DRICH1: variants seen among roughly 807,000 people sequenced by gnomAD.
The protein encoded by DRICH1 is aspartate rich 1.
A neutral mutation model predicts 39.5 loss-of-function variants in DRICH1; 38 were observed. That is an observed-to-expected ratio of 0.96 (90% CI 0.74 to 1.26). The LOEUF (loss-of-function observed/expected upper bound fraction) is 1.26. Ranked by LOEUF, DRICH1 falls within the 50% of genes most tolerant of loss-of-function variation. The pLI, the probability that DRICH1 is intolerant of heterozygous loss-of-function variation, is 0.00. For missense variants in DRICH1, 279 were observed against 270.4 expected (o/e 1.03, Z -0.22); for synonymous variants, 84 against 99.5 (o/e 0.84, Z 0.93).
At chr22:23,632,333 GC>G (rs1430662844), upstream of DRICH1, 36 of 400,014 alleles carry the variant, frequency 9.0e-5, no homozygotes, top group Admixed American at 1.1e-3. Flanking sequence ...AGGGCTGCTG[GC>G]CCTGGCTGAT....
intron 5 of DRICH1, among the ~76,000 whole-genome samples, 186 bp downstream of exon 5, chr22:23,620,408 A>G (rs188655282): frequency 6.6e-6 from 1 of 151,908 alleles, no homozygotes; most frequent in African/African-American, 2.4e-5. Context: ...GCTCACACAA[A>G]ATCTCCTGCT....
At chr22:23,610,160 G>A (rs774611392) in intron 11 of DRICH1, among the ~76,000 whole-genome samples, 1 of 152,196 alleles carries the variant, frequency 6.6e-6, no homozygotes, top group African/African-American at 2.4e-5. Context: ...GAGCCCAACC[G>A]CCAGTCCTCA....
chr22:23,590,072 C>T, the DRICH1 span, among the ~76,000 whole-genome samples: 1 of 152,038 alleles, frequency 6.6e-6, no homozygotes. Context: ...CGAAGGTTTC[C>T]TCTCTTGGGA....
the DRICH1 span, among the ~76,000 whole-genome samples, chr22:23,594,202 A>C: frequency 6.6e-6 from 1 of 152,220 alleles, no homozygotes; most frequent in African/African-American, 2.4e-5. Flanking sequence ...AACCACAAAA[A>C]GATCCACACC....
At chr22:23,609,600 C>T (rs1339475136) in intron 11 of DRICH1, among the ~76,000 whole-genome samples, 1 of 152,132 alleles carries the variant, frequency 6.6e-6, no homozygotes, top group African/African-American at 2.4e-5. Context: ...GAGCCCTGGG[C>T]CTCTCTGGGC....
At chr22:23,591,258 C>T in the DRICH1 span, among the ~76,000 whole-genome samples, 2 of 152,136 alleles carry the variant, frequency 1.3e-5, no homozygotes, top group Non-Finnish European at 2.9e-5. Flanking sequence ...GGGTCCTCCT[C>T]CCCCAGTTCA....
chr22:23,585,194 G>A, the DRICH1 span, among the ~76,000 whole-genome samples: 1 of 151,974 alleles, frequency 6.6e-6, no homozygotes, highest in Non-Finnish European at 1.5e-5. Flanking sequence ...CTGGAGTGCA[G>A]TGGTGCAATC....
downstream of DRICH1, among the ~76,000 whole-genome samples, chr22:23,605,830 C>T (rs147277580): frequency 4.6e-5 from 7 of 152,158 alleles, no homozygotes; most frequent in African/African-American, 1.7e-4. Context: ...CCTGTAATCC[C>T]AGCACTTTGG....
the DRICH1 span, among the ~76,000 whole-genome samples, chr22:23,582,684 G>GC: frequency 2.0e-5 from 3 of 151,866 alleles, no homozygotes; most frequent in African/African-American, 7.3e-5. Context: ...TCCTGCTTCA[G>GC]CCTCCCAGGC....
At chr22:23,632,464 C>G (rs55744320), upstream of DRICH1, 8,001 of 229,174 alleles carry the variant, frequency 0.035, 207 homozygotes, top group Middle Eastern at 0.051. Flanking sequence ...CCTGTCCCTG[C>G]TGCTGCCCAC....
chr22:23,581,537 A>G, the DRICH1 span: 1 of 152,032 alleles, frequency 6.6e-6, no homozygotes, highest in African/African-American at 2.4e-5. Context: ...GTTGGGAGAT[A>G]ATGCATGTCA....
chr22:23,591,551 A>G, the DRICH1 span, among the ~76,000 whole-genome samples: 1 of 152,100 alleles, frequency 6.6e-6, no homozygotes, highest in African/African-American at 2.4e-5. Flanking sequence ...CTTCACTTCT[A>G]TGAAGTGAGC....
chr22:23,605,999 G>C (rs577417570), downstream of DRICH1, among the ~76,000 whole-genome samples: 42 of 151,670 alleles, frequency 2.8e-4, 1 homozygote, highest in South Asian at 8.6e-3. Flanking sequence ...GCTTGAACCT[G>C]GGAGGCGAAG....
At chr22:23,603,863 G>A (rs890523411), downstream of DRICH1, among the ~76,000 whole-genome samples, 7 of 152,180 alleles carry the variant, frequency 4.6e-5, no homozygotes, top group Admixed American at 3.9e-4. Context: ...GATGGCCTTG[G>A]GGGAGACGAA....
In DRICH1 at chr22:23,608,525, C is replaced by T; in HGVS notation, c.*239G>A. The T allele has an allele frequency of 1.9e-6, 1 of 537,012 alleles. No homozygotes were observed. Among genetic ancestry groups the T allele is most frequent in the East Asian group, 2.8e-5 (1 of 35,518 alleles). 33.3% of individuals were successfully genotyped at this position (537,012 alleles called of 1,614,324 possible). ...CGTGGAGCACAGTCACGTCTCTTCT[C>T]ACTCTCTTGCCAAAGGAGAAATGCC... On this transcript the variant is annotated 3_prime_UTR_variant, in exon 12 of 12. Transcript: ENST00000317749.
intron 11 of DRICH1, among the ~76,000 whole-genome samples, chr22:23,611,421 C>T (rs1237226378): frequency 2.1e-5 from 3 of 143,466 alleles, no homozygotes; most frequent in East Asian, 4.0e-4. Context: ...GATGGAATCT[C>T]GTTCTATCAC....
At chr22:23,617,098 T>C (rs1054263617) in intron 7 of DRICH1, among the ~76,000 whole-genome samples, 2 of 152,186 alleles carry the variant, frequency 1.3e-5, no homozygotes, top group African/African-American at 4.8e-5. Context: ...AAATGCACAA[T>C]GTCTAATCCA....
At chr22:23,582,850 C>G in the DRICH1 span, among the ~76,000 whole-genome samples, 1 of 138,180 alleles carries the variant, frequency 7.2e-6, no homozygotes, top group African/African-American at 2.8e-5. Context: ...CGTGAGCCAT[C>G]GTGCCCGGCC....
chr22:23,593,119 G>A, the DRICH1 span, among the ~76,000 whole-genome samples: 20 of 151,702 alleles, frequency 1.3e-4, no homozygotes, highest in Admixed American at 4.6e-4. Flanking sequence ...TCTTAAATAC[G>A]CTCAAACAGT....
Sources: gnomAD v4.1 joint callset for allele counts (sites outside exome capture counted in the v4.1 genomes callset) on GRCh38, gnomAD v4.1.1 for gene constraint, MANE v1.5 for transcripts, NCBI Gene and HGNC (gene_info 2026-07-23, HGNC 2026-07-21) for gene names.